GMDS: variants seen among roughly 807,000 people sequenced by gnomAD.
GMDS encodes GDP-mannose 4,6 dehydratase.
A neutral mutation model predicts 49.9 loss-of-function variants in GMDS; 20 were observed. The ratio of observed to expected loss-of-function variants is 0.40; its 90% CI spans 0.28 to 0.58. The LOEUF is 0.58. GMDS is among the 20% of genes least tolerant of loss of function. The probability of loss-of-function intolerance (pLI) is 0.42; values close to 1 mark genes in which losing one functional copy is unlikely to be tolerated. For synonymous variants in GMDS, 177 were observed against 178.6 expected (o/e 0.99, Z 0.07); for missense variants, 362 against 481.4 (o/e 0.75, Z 2.32).
At chr6:1,659,343 C>A (rs1763992035) in intron 9 of GMDS, among the ~76,000 whole-genome samples, 1 of 152,002 alleles carries the variant, frequency 6.6e-6, no homozygotes. Flanking sequence ...AGTGTCAGAA[C>A]CTTTCATCCC....
intron 1 of GMDS, among the ~76,000 whole-genome samples, chr6:2,157,715 G>C (rs1187946247): frequency 6.6e-6 from 1 of 152,166 alleles, no homozygotes; most frequent in Non-Finnish European, 1.5e-5. Flanking sequence ...AGATGAATGG[G>C]AACACTTGCA....
chr6:1,746,787 C>T (rs6916760), intron 7 of GMDS, among the ~76,000 whole-genome samples: 84,229 of 151,684 alleles, frequency 0.56, 24,076 homozygotes, highest in African/African-American at 0.68. Flanking sequence ...CTGCAACCTC[C>T]GCCTCCCGGG....
chr6:2,141,982 T>G (rs1776320320), intron 1 of GMDS, among the ~76,000 whole-genome samples: 1 of 152,098 alleles, frequency 6.6e-6, no homozygotes, highest in African/African-American at 2.4e-5. Flanking sequence ...TTGGTTCCAC[T>G]GGTTGCCGGC....
chr6:2,041,923 A>G (rs62390733), intron 4 of GMDS, among the ~76,000 whole-genome samples: 32,145 of 152,142 alleles, frequency 0.21, 3,758 homozygotes, highest in Non-Finnish European at 0.25. Flanking sequence ...AATGCCACCC[A>G]CAAATGTGAC....
chr6:2,190,470 T>C lies in GMDS; in HGVS notation c.102+54851A>G, dbSNP rs561988101. Among the ~76,000 whole-genome samples, 12 of 152,340 alleles carry C rather than the reference T, an allele frequency of 7.9e-5. No individual in the cohort carries two copies. The South Asian group carries it at 1.7e-3, about 21-fold the overall frequency. ...AAAACACCAAGGCTCAGACAAGTCA[T>C]GTTTTTGCTCAAGGTCTCACTTCTC... is the stretch of plus-strand genomic sequence containing the variant. On this transcript the variant is annotated intron_variant, in intron 1 of 10. Transcript: ENST00000380815.
In GMDS at chr6:2,036,029, G is replaced by A. The variant is rs540951288; in HGVS notation, c.346-75063C>T. 1.4e-3 allele frequency among the ~76,000 whole-genome samples: 215 copies of A among 152,188 alleles called. 2 individuals are homozygous for A. The highest frequency in any genetic ancestry group is 4.9e-3 in the African/African-American group (205 of 41,518). On this transcript the variant is annotated intron_variant, in intron 4 of 10. Transcript: ENST00000380815. ...TCCTCTCCACAAGTAATCTCATGTC[G>A]CAGGGCAGCCTGGCCTGGGCGACTG... is the stretch of plus-strand genomic sequence containing the variant.
intron 4 of GMDS, among the ~76,000 whole-genome samples, chr6:2,086,610 T>C (rs1275460901): frequency 6.6e-5 from 10 of 152,372 alleles, no homozygotes; most frequent in Admixed American, 6.5e-4. Flanking sequence ...TGCTCCCAGC[T>C]TTTACATACT....
intron 4 of GMDS, among the ~76,000 whole-genome samples, chr6:1,966,582 T>C (rs1213594946): frequency 1.3e-5 from 2 of 152,124 alleles, no homozygotes; most frequent in Non-Finnish European, 2.9e-5. Flanking sequence ...CTGAGGGTTT[T>C]CTCCCCGACC....
intron 8 of GMDS, among the ~76,000 whole-genome samples, chr6:1,731,909 A>G (rs1766822298): frequency 6.6e-6 from 1 of 152,228 alleles, no homozygotes; most frequent in Non-Finnish European, 1.5e-5. Context: ...GAGAGCCTAG[A>G]GAGGTGATTT....
chr6:2,089,231 A>AT (rs1454503416), intron 4 of GMDS, among the ~76,000 whole-genome samples: 3 of 152,176 alleles, frequency 2.0e-5, no homozygotes, highest in Non-Finnish European at 4.4e-5. Context: ...ATGCTCAGGA[A>AT]TTTTCACAGA....
chr6:1,920,335 G>T (rs977808990), intron 7 of GMDS, among the ~76,000 whole-genome samples: 3 of 152,164 alleles, frequency 2.0e-5, no homozygotes, highest in Admixed American at 2.0e-4. Flanking sequence ...GACAAAACAT[G>T]TAATTTTAGT....
chr6:2,148,217 A>C (rs1776671690), intron 1 of GMDS, among the ~76,000 whole-genome samples: 1 of 152,156 alleles, frequency 6.6e-6, no homozygotes, highest in Non-Finnish European at 1.5e-5. Flanking sequence ...GGCTGATCCA[A>C]AATAAATTAA....
At chr6:1,963,710 G>A (rs1047811520) in intron 4 of GMDS, among the ~76,000 whole-genome samples, 3 of 152,116 alleles carry the variant, frequency 2.0e-5, no homozygotes, top group Non-Finnish European at 4.4e-5. Flanking sequence ...TTATTTTGAG[G>A]AAACAGTGCA....
chr6:1,666,624 C>G (rs62388264), intron 9 of GMDS, among the ~76,000 whole-genome samples: 18,971 of 152,186 alleles, frequency 0.12, 1,606 homozygotes, highest in Non-Finnish European at 0.18. Flanking sequence ...GGTGTGATCA[C>G]TAATGGAATC....
At chr6:1,911,131 C>T (rs1761031708) in intron 7 of GMDS, among the ~76,000 whole-genome samples, 1 of 149,236 alleles carries the variant, frequency 6.7e-6, no homozygotes, top group Non-Finnish European at 1.5e-5. Flanking sequence ...GGGTAATAGA[C>T]AGGGCCCTCC....
At chr6:2,065,177 C>G (rs1448668242) in intron 4 of GMDS, among the ~76,000 whole-genome samples, 1 of 152,164 alleles carries the variant, frequency 6.6e-6, no homozygotes, top group Non-Finnish European at 1.5e-5. Context: ...ACACCTCACA[C>G]AGCCTGGTAC....
In GMDS at chr6:1,930,054, A is replaced by C. The variant is rs189945307; in HGVS notation, c.771+49T>G. ...TTTCACTGTACGCTTGGCATTTAGA[A>C]TATCAATGGATACGGGTATTTTCAA... On this transcript the variant is annotated intron_variant, in intron 7 of 10. Coordinates refer to ENST00000380815, the MANE Select transcript of GMDS (RefSeq NM_001500.4). 3 of 1,526,398 alleles carry C rather than the reference A, an allele frequency of 2.0e-6. No homozygotes were observed. In the African/African-American group the frequency reaches 4.1e-5, roughly 21 times the overall value. The allele number at this position is 1,526,398 out of a possible 1,614,324, so 94.6% of individuals were successfully genotyped here.
At chr6:2,113,409 C>T (rs1774664330) in intron 4 of GMDS, among the ~76,000 whole-genome samples, 1 of 151,968 alleles carries the variant, frequency 6.6e-6, no homozygotes. Flanking sequence ...CCGTTCAAAA[C>T]ATGGGTAGCT....
chr6:1,821,609 T>C (rs1770898658), intron 7 of GMDS, among the ~76,000 whole-genome samples: 1 of 100,686 alleles, frequency 9.9e-6, no homozygotes, highest in Admixed American at 1.5e-4. Context: ...AACAATTTAT[T>C]TGTTTTTTTT....
Sources: allele counts gnomAD v4.1 joint callset (sites outside exome capture counted in the v4.1 genomes callset), GRCh38; gene constraint gnomAD v4.1.1; transcripts MANE v1.5; gene names NCBI Gene and HGNC (gene_info 2026-07-23, HGNC 2026-07-21).